Variants in NLRP11 observed in about 807,000 individuals in gnomAD.
NLRP11 encodes NACHT, LRR and PYD domains-containing protein 11.
A neutral mutation model predicts 79.3 loss-of-function variants in NLRP11; 53 were observed. The ratio of observed to expected loss-of-function variants is 0.67; its 90% CI spans 0.54 to 0.84. NLRP11 has a LOEUF of 0.84. NLRP11 is among the 40% of genes least tolerant of loss of function. The pLI, the probability that NLRP11 is intolerant of heterozygous loss-of-function variation, is 0.00. For synonymous variants in NLRP11, 518 were observed against 462.6 expected, an observed-to-expected ratio of 1.12 and a Z score of -1.54; for missense variants, 1,264 against 1,255.0, an observed-to-expected ratio of 1.01 and a Z score of -0.11.
chr19:55,809,060 A>G lies in NLRP11; in HGVS notation c.1550T>C (p.Met517Thr). 1.2e-6 allele frequency: 2 copies of G among 1,613,964 alleles called. No individual in the cohort carries two copies. Among genetic ancestry groups the G allele is most frequent in the Non-Finnish European group, 1.7e-6 (2 of 1,179,922 alleles). The change falls in exon 3 of 10, where the codon ATG becomes ACG. Residue 517 changes from methionine (M) to threonine (T), a missense_variant. Physicochemically the swap from Met to Thr is moderately conservative, Grantham distance 81. Coordinates refer to ENST00000589093, the Ensembl canonical transcript of NLRP11. The surrounding 1 kb of genome is among the most constrained non-coding windows in gnomAD (Gnocchi z 4.5). Reference sequence around the variant, plus strand: ...CGAGTACCACTTGAAGCTGTCTACCATCGGTAGCTGGTATCCAAAGGATGT... The same window carrying G: ...CGAGTACCACTTGAAGCTGTCTACCGTCGGTAGCTGGTATCCAAAGGATGT...
chr19:55,807,923 G>C, exon 4 of NLRP11: 1 of 1,612,140 alleles, frequency 6.2e-7, no homozygotes, highest in Middle Eastern at 1.6e-4. Context: ...ATACCATTAA[G>C]GTCATTGTCA....
intron 4 of NLRP11, among the ~76,000 whole-genome samples, chr19:55,806,904 T>C (rs953587430): frequency 1.3e-5 from 2 of 152,126 alleles, no homozygotes; most frequent in South Asian, 2.1e-4. Flanking sequence ...GGCTCATTCT[T>C]TCACCTCATT....
Position 55,803,296 on chromosome 19 carries a change from G to A in NLRP11, c.2004-1557C>T, listed in dbSNP as rs985088222. ...TGGGAGGCGGAGGTTGCAGTGAGCC[G>A]AGATCATGCCACTGTACTGGGGAAC... On this transcript the variant is annotated intron_variant, in intron 4 of 9. Coordinates refer to ENST00000589093, the Ensembl canonical transcript of NLRP11. Among the ~76,000 whole-genome samples the A allele has an allele frequency of 6.6e-5, 10 of 152,202 alleles. No homozygotes were observed. In the East Asian group the frequency reaches 1.2e-3, roughly 18 times the overall value.
chr19:55,820,018 C>T (rs951090130), intron 1 of NLRP11, among the ~76,000 whole-genome samples: 12 of 152,114 alleles, frequency 7.9e-5, no homozygotes, highest in Admixed American at 3.9e-4. Flanking sequence ...AAAAAATGGG[C>T]ATACTGACAT....
At chr19:55,795,308 A>G (rs544673571) in intron 6 of NLRP11, among the ~76,000 whole-genome samples, 2 of 151,952 alleles carry the variant, frequency 1.3e-5, no homozygotes, top group Admixed American at 6.6e-5. Flanking sequence ...AAAAAATCCT[A>G]TTTCAAGGCA....
chr19:55,786,081 TG>T (rs1453769304), intron 9 of NLRP11, among the ~76,000 whole-genome samples: 1 of 152,258 alleles, frequency 6.6e-6, no homozygotes, highest in African/African-American at 2.4e-5. Context: ...AGATTTCCAC[TG>T]GGAGAACTGT....
intron 9 of NLRP11, among the ~76,000 whole-genome samples, chr19:55,787,227 C>T (rs990151546): frequency 2.0e-5 from 3 of 152,222 alleles, no homozygotes; most frequent in African/African-American, 2.4e-5. Flanking sequence ...TTTCTACACA[C>T]GTGACAGTGT....
chr19:55,823,051 C>A (rs1029574234), intron 1 of NLRP11, among the ~76,000 whole-genome samples: 2 of 148,834 alleles, frequency 1.3e-5, no homozygotes, highest in Admixed American at 1.3e-4. Context: ...TCTCCCAGCA[C>A]GCAGCTGGAG....
intron 5 of NLRP11, among the ~76,000 whole-genome samples, chr19:55,798,024 T>G: frequency 6.6e-6 from 1 of 151,148 alleles, no homozygotes; most frequent in Admixed American, 6.6e-5. Context: ...GAGATGGAGT[T>G]TTGCCCTTGT....
chr19:55,795,469 G>A (rs1978741475), intron 6 of NLRP11, among the ~76,000 whole-genome samples: 1 of 152,010 alleles, frequency 6.6e-6, no homozygotes, highest in African/African-American at 2.4e-5. Flanking sequence ...GCTGTGTTTA[G>A]AATGTTGTGA....
intron 2 of NLRP11, among the ~76,000 whole-genome samples, chr19:55,812,850 G>A (rs1980737271): frequency 2.0e-5 from 3 of 152,050 alleles, no homozygotes; most frequent in African/African-American, 7.2e-5. Context: ...CACCTTTTAT[G>A]ATGAGCAAAA....
intron 4 of NLRP11, among the ~76,000 whole-genome samples, chr19:55,802,953 G>A (rs1979626716): frequency 6.6e-6 from 1 of 152,166 alleles, no homozygotes; most frequent in Admixed American, 6.6e-5. Flanking sequence ...TGGGGTAACT[G>A]GCTAGTCATA....
chr19:55,805,642 C>T (rs545073800), intron 4 of NLRP11, among the ~76,000 whole-genome samples: 5 of 152,114 alleles, frequency 3.3e-5, no homozygotes, highest in Admixed American at 6.5e-5. Flanking sequence ...CGGGTTTAAG[C>T]GATTCTCCTG....
At chr19:55,792,868 GA>G (rs995367266) in intron 6 of NLRP11, among the ~76,000 whole-genome samples, 3 of 152,148 alleles carry the variant, frequency 2.0e-5, no homozygotes, top group African/African-American at 7.2e-5. Flanking sequence ...AACTGTTGAA[GA>G]TTTTTTTAAA....
Position 55,810,095 on chromosome 19 carries a change from T to C in NLRP11, c.515A>G (p.Lys172Arg), listed in dbSNP as rs760397549. ...GATCATGTTCTGCCACATCTCACCC[T>C]TGATCCACCTCAACACAGCCAGATT... Residue 172 changes from lysine (K) to arginine (R), a missense_variant, in exon 3 of 10, where the codon AAG becomes AGG. Lys to Arg is a conservative substitution (Grantham distance 26). Coordinates refer to ENST00000589093, the Ensembl canonical transcript of NLRP11. 3.9e-5 allele frequency: 63 copies of C among 1,614,082 alleles called. No individual in the cohort carries two copies. Among genetic ancestry groups the C allele is most frequent in the Non-Finnish European group, 5.3e-5 (63 of 1,180,024 alleles).
At chr19:55,829,350 G>A (rs1287421085) in intron 1 of NLRP11, among the ~76,000 whole-genome samples, 1 of 151,956 alleles carries the variant, frequency 6.6e-6, no homozygotes, top group Non-Finnish European at 1.5e-5. Flanking sequence ...GCATTATTAT[G>A]TATTATCAAC....
At chr19:55,806,221 AATACACATTTGTGTT>A (rs1249141210) in intron 4 of NLRP11, among the ~76,000 whole-genome samples, 1 of 152,198 alleles carries the variant, frequency 6.6e-6, no homozygotes, top group East Asian at 1.9e-4. Context: ...CTTGGCTTTA[AATACACATTTGTGTT>A]ATACACATGT....
exon 10 of NLRP11, chr19:55,785,823 A>T: frequency 6.2e-7 from 1 of 1,614,136 alleles, no homozygotes; most frequent in Non-Finnish European, 8.5e-7. Flanking sequence ...TTTCCTTTAC[A>T]GTCATCAGCA....
chr19:55,822,134 G>A (rs1981804313), intron 1 of NLRP11, among the ~76,000 whole-genome samples: 1 of 152,060 alleles, frequency 6.6e-6, no homozygotes, highest in Non-Finnish European at 1.5e-5. Context: ...GGTGGTGGTG[G>A]CTACCTGTAA....
Sources: gnomAD v4.1 joint callset for allele counts (sites outside exome capture counted in the v4.1 genomes callset) on GRCh38, gnomAD v4.1.1 for gene constraint, Gnocchi (gnomAD v3.1) non-coding constraint, MANE v1.5 for transcripts, NCBI Gene and HGNC (gene_info 2026-07-23, HGNC 2026-07-21) for gene names.